FAM53B: variants seen among roughly 807,000 people sequenced by gnomAD.
FAM53B encodes the protein protein FAM53B.
A neutral mutation model predicts 32.7 loss-of-function variants in FAM53B; 12 were observed. The ratio of observed to expected loss-of-function variants is 0.37; its 90% CI spans 0.24 to 0.59. The LOEUF (loss-of-function observed/expected upper bound fraction) is 0.59. Among genes scored for constraint, FAM53B ranks in the 20% least tolerant of loss-of-function variants. The pLI is 0.72. For synonymous variants in FAM53B, 234 were observed against 228.7 expected (o/e 1.02, Z -0.21); for missense variants, 477 against 577.7 (o/e 0.83, Z 1.79).
In FAM53B at chr10:124,663,206, G is replaced by A. The variant is rs533753086; in HGVS notation, c.906+18401C>T. ...GGTAGACAGGACACACACATAAAGT[G>A]CAAGCCTGTGCATGACCAAAGCCAT... On this transcript the variant is annotated intron_variant, in intron 4 of 4. Transcript: ENST00000337318. Among the ~76,000 whole-genome samples, 19 of 152,332 alleles carry A rather than the reference G, an allele frequency of 1.2e-4. No homozygotes were observed. The South Asian group carries it at 3.9e-3, about 32-fold the overall frequency.
intron 4 of FAM53B, among the ~76,000 whole-genome samples, chr10:124,657,873 C>T (rs1472798489): frequency 6.6e-6 from 1 of 152,204 alleles, no homozygotes; most frequent in African/African-American, 2.4e-5. Context: ...AGAGCCGCAA[C>T]CAGCTCCATC....
intron 4 of FAM53B, among the ~76,000 whole-genome samples, chr10:124,662,940 G>A (rs929624562): frequency 3.3e-5 from 5 of 152,168 alleles, no homozygotes; most frequent in South Asian, 4.1e-4. Context: ...CTTGGTCACC[G>A]CACCTCAAGC....
chr10:124,694,360 G>A (rs933310886), intron 3 of FAM53B, among the ~76,000 whole-genome samples: 4 of 152,206 alleles, frequency 2.6e-5, no homozygotes, highest in African/African-American at 9.6e-5. Context: ...GACTCTCCTG[G>A]GCCATCTGGA....
intron 4 of FAM53B, among the ~76,000 whole-genome samples, chr10:124,676,680 C>T (rs970961646): frequency 6.6e-6 from 1 of 152,166 alleles, no homozygotes; most frequent in Admixed American, 6.5e-5. Context: ...GATGAGCATA[C>T]GCACAAGCTC....
chr10:124,719,595 T>G (rs1950056931), intron 1 of FAM53B, among the ~76,000 whole-genome samples: 1 of 152,172 alleles, frequency 6.6e-6, no homozygotes, highest in Non-Finnish European at 1.5e-5. Flanking sequence ...CCAAAATGCT[T>G]GAAAGACTGC....
chr10:124,691,581 G>A (rs973328466), intron 3 of FAM53B, among the ~76,000 whole-genome samples: 16 of 151,992 alleles, frequency 1.1e-4, no homozygotes, highest in African/African-American at 3.6e-4. Context: ...TATTGCCTTC[G>A]CTTTCTTACA....
At chr10:124,702,779 G>C (rs1323656124) in intron 2 of FAM53B, among the ~76,000 whole-genome samples, 1 of 152,174 alleles carries the variant, frequency 6.6e-6, no homozygotes, top group Non-Finnish European at 1.5e-5. Context: ...ATGTTGAAAT[G>C]TAACCCCCAA....
intron 4 of FAM53B, among the ~76,000 whole-genome samples, chr10:124,655,700 C>T (rs1360039620): frequency 2.6e-5 from 4 of 152,162 alleles, no homozygotes; most frequent in Non-Finnish European, 5.9e-5. Context: ...TCTGCCCCAG[C>T]CACAGCCAGC....
At chr10:124,664,273 A>T (rs1949654012) in intron 4 of FAM53B, among the ~76,000 whole-genome samples, 1 of 152,134 alleles carries the variant, frequency 6.6e-6, no homozygotes, top group Non-Finnish European at 1.5e-5. Flanking sequence ...ACCTCCATGG[A>T]GTCCCTGAAG....
chr10:124,736,808 T>A (rs889751626), intron 1 of FAM53B, among the ~76,000 whole-genome samples: 21 of 152,174 alleles, frequency 1.4e-4, no homozygotes, highest in African/African-American at 4.8e-4. Context: ...AACCCAGCTA[T>A]CCAGGAGCTC....
chr10:124,697,181 T>A lies in FAM53B; in HGVS notation c.79-969A>T, dbSNP rs530927867. Among the ~76,000 whole-genome samples, 6 of 152,190 alleles carry A rather than the reference T, an allele frequency of 3.9e-5. No homozygotes were observed. The South Asian group carries it at 1.2e-3, about 32-fold the overall frequency. On this transcript the variant is annotated intron_variant, in intron 2 of 4. Transcript: ENST00000337318. ...CTCACTCACTCGCCCACTCGCTCAG[T>A]GGGCACGGGCTGGTGATTCTTCCTA...
chr10:124,725,043 G>A (rs1042577043), intron 1 of FAM53B, among the ~76,000 whole-genome samples: 13 of 152,174 alleles, frequency 8.5e-5, no homozygotes, highest in South Asian at 2.1e-4. Flanking sequence ...TCTGAGGAGC[G>A]AGAGTAGAAG....
intron 4 of FAM53B, among the ~76,000 whole-genome samples, chr10:124,657,862 T>C (rs1311480023): frequency 6.6e-6 from 1 of 152,236 alleles, no homozygotes; most frequent in East Asian, 1.9e-4. Context: ...GTCCCACAGC[T>C]AGAGCCGCAA....
In FAM53B at chr10:124,621,102, G is replaced by C. The variant is rs910795144; in HGVS notation, c.*2140C>G. 6.6e-6 allele frequency: 1 copy of C among 152,276 alleles called. No individual in the cohort carries two copies. Among genetic ancestry groups the C allele is most frequent in the Non-Finnish European group, 1.5e-5 (1 of 68,086 alleles). The allele number at this position is 152,276 out of a possible 1,614,324, so 9.4% of individuals were successfully genotyped here. ...ACCCCAGCCCTAAGCAAAGGTAGCTGGGGGCTGCTGCATGCCTCAGCCTCA... is the reference window on the plus strand; with the variant it reads ...ACCCCAGCCCTAAGCAAAGGTAGCTCGGGGCTGCTGCATGCCTCAGCCTCA... On this transcript the variant is annotated 3_prime_UTR_variant, in exon 5 of 5. Transcript: ENST00000337318.
At chr10:124,721,564 G>C (rs764509444) in intron 1 of FAM53B, among the ~76,000 whole-genome samples, 1 of 152,212 alleles carries the variant, frequency 6.6e-6, no homozygotes, top group Non-Finnish European at 1.5e-5. Context: ...TGCTTCCAGA[G>C]ACCACACTGG....
In FAM53B at chr10:124,744,208, C is replaced by G. The variant is rs910337859; in HGVS notation, c.-370G>C. On this transcript the variant is annotated 5_prime_UTR_variant, in exon 1 of 5. Coordinates refer to ENST00000337318, the MANE Select transcript of FAM53B (RefSeq NM_014661.4). ...AGTGTTTGCAACTCGTCCCTTTAAC[C>G]GGCACCGGCCAGGCCGCCCGCACCC... 33 of 147,292 alleles carry G rather than the reference C, an allele frequency of 2.2e-4. No individual in the cohort carries two copies. The highest frequency in any genetic ancestry group is 7.3e-4 in the African/African-American group (30 of 41,106). The allele number at this position is 147,292 out of a possible 1,614,324, so 9.1% of individuals were successfully genotyped here. A position where few individuals can be genotyped will look rare whatever the true frequency, so the allele number is the denominator to read the frequency against.
At chr10:124,737,208 TCTC>T (rs1316549246) in intron 1 of FAM53B, among the ~76,000 whole-genome samples, 4 of 151,978 alleles carry the variant, frequency 2.6e-5, no homozygotes, top group Admixed American at 6.6e-5. Flanking sequence ...AAATAGCAAT[TCTC>T]CTCTTCTCCC....
intron 3 of FAM53B, among the ~76,000 whole-genome samples, chr10:124,694,111 A>AAT (rs1949852605): frequency 6.6e-6 from 1 of 152,184 alleles, no homozygotes; most frequent in Non-Finnish European, 1.5e-5. Flanking sequence ...CCACCAGTAC[A>AAT]ACGGCTCCCC....
chr10:124,657,037 AATAT>A (rs111926780), intron 4 of FAM53B, among the ~76,000 whole-genome samples: 1 of 146,938 alleles, frequency 6.8e-6, no homozygotes, highest in Admixed American at 6.9e-5. Flanking sequence ...TTAAAGTATA[AATAT>A]ATATATATAT....
Sources: allele counts gnomAD v4.1 joint callset (sites outside exome capture counted in the v4.1 genomes callset), GRCh38; gene constraint gnomAD v4.1.1; transcripts MANE v1.5; gene names NCBI Gene and HGNC (gene_info 2026-07-23, HGNC 2026-07-21).